RBPJ: variants seen among roughly 807,000 people sequenced by gnomAD.
RBPJ encodes the protein recombination signal binding protein for immunoglobulin kappa J region.
A neutral mutation model predicts 67.8 loss-of-function variants in RBPJ; 9 were observed. The observed-to-expected ratio is 0.13, with a 90% CI of 0.08 to 0.23. RBPJ has a LOEUF of 0.23. RBPJ is among the 10% of genes least tolerant of loss of function. RBPJ has a pLI of 1.00. For synonymous variants in RBPJ, 198 were observed against 203.3 expected (o/e 0.97, Z 0.22); for missense variants, 305 against 595.6 (o/e 0.51, Z 5.08).
chr4:26,226,870 AC>A (rs1719093272), intron 1 of RBPJ, among the ~76,000 whole-genome samples: 1 of 152,238 alleles, frequency 6.6e-6, no homozygotes, highest in Admixed American at 6.5e-5. Context: ...ACTAGGCTGA[AC>A]ATCACTGAAA....
chr4:26,356,351 T>C (rs895187473), intron 1 of RBPJ, among the ~76,000 whole-genome samples: 1 of 152,168 alleles, frequency 6.6e-6, no homozygotes, highest in African/African-American at 2.4e-5. Flanking sequence ...AGTAGCTAAG[T>C]AGAGTCAGAG....
intron 1 of RBPJ, among the ~76,000 whole-genome samples, chr4:26,165,605 G>C (rs9291482): frequency 6.6e-6 from 1 of 151,782 alleles, no homozygotes; most frequent in Admixed American, 6.6e-5. Context: ...ATTGGACATC[G>C]TTCAAGTTCT....
At chr4:26,136,204 G>A in the RBPJ span, among the ~76,000 whole-genome samples, 25 of 152,252 alleles carry the variant, frequency 1.6e-4, no homozygotes, top group Admixed American at 1.4e-3. Context: ...ACAATTCAAG[G>A]TGAGATTTGG....
At chr4:26,417,261 G>T (rs559481532) in intron 4 of RBPJ, among the ~76,000 whole-genome samples, 2 of 152,272 alleles carry the variant, frequency 1.3e-5, no homozygotes, top group East Asian at 1.9e-4. Flanking sequence ...TTTAAATGAG[G>T]TGATACCAAA....
intron 1 of RBPJ, among the ~76,000 whole-genome samples, chr4:26,328,445 G>A (rs1251790614): frequency 1.3e-4 from 20 of 152,166 alleles, no homozygotes; most frequent in Non-Finnish European, 1.0e-4. Context: ...GTGTAAGGGA[G>A]ATTATGGTAA....
intron 1 of RBPJ, among the ~76,000 whole-genome samples, chr4:26,350,525 T>C (rs1308326778): frequency 6.6e-6 from 1 of 152,204 alleles, no homozygotes; most frequent in Non-Finnish European, 1.5e-5. Flanking sequence ...AGTGAAGTTT[T>C]CCAAAGTACT....
At chr4:26,241,309 T>G (rs1436030531) in intron 1 of RBPJ, among the ~76,000 whole-genome samples, 1 of 152,098 alleles carries the variant, frequency 6.6e-6, no homozygotes, top group Non-Finnish European at 1.5e-5. Context: ...GGTGAAATCT[T>G]TGTGTGAAAA....
chr4:26,354,382 C>A (rs112734116), intron 1 of RBPJ, among the ~76,000 whole-genome samples: 1 of 150,986 alleles, frequency 6.6e-6, no homozygotes, highest in Admixed American at 6.6e-5. Flanking sequence ...AAATATAGAT[C>A]ACAAGGAAAA....
At chr4:26,148,563 T>C in the RBPJ span, among the ~76,000 whole-genome samples, 4 of 152,030 alleles carry the variant, frequency 2.6e-5, no homozygotes, top group Non-Finnish European at 4.4e-5. Flanking sequence ...TCTTATAGAA[T>C]TGGGCATCAG....
intron 1 of RBPJ, among the ~76,000 whole-genome samples, chr4:26,314,217 A>C (rs531201927): frequency 1.3e-5 from 2 of 152,350 alleles, no homozygotes; most frequent in African/African-American, 4.8e-5. Context: ...TCTGCTTATT[A>C]ATAAATATAC....
intron 5 of RBPJ, among the ~76,000 whole-genome samples, chr4:26,422,475 A>G (rs1056009281): frequency 5.9e-5 from 9 of 152,224 alleles, no homozygotes; most frequent in African/African-American, 2.2e-4. Context: ...TGTAATGAAA[A>G]GGCAGGATTA....
At chr4:26,244,613 A>T (rs1449500416) in intron 1 of RBPJ, among the ~76,000 whole-genome samples, 1 of 152,024 alleles carries the variant, frequency 6.6e-6, no homozygotes, top group Non-Finnish European at 1.5e-5. Flanking sequence ...CAATATTTTT[A>T]GTGTTATCGA....
intron 1 of RBPJ, among the ~76,000 whole-genome samples, chr4:26,337,634 T>G (rs1338082628): frequency 6.6e-6 from 1 of 152,010 alleles, no homozygotes. Context: ...ATGAGGTTAT[T>G]GGCCATTTGT....
Position 26,312,186 on chromosome 4 carries a change from C to T in RBPJ, c.-166-50260C>T, listed in dbSNP as rs867270115. The stretch of plus-strand genomic sequence containing the variant: ...TCGCTCTGTCACCCAGGCTGGAGTG[C>T]AGTGGCACGATCTCAGCTCACTGCA... On this transcript the variant is annotated intron_variant, in intron 1 of 4. Transcript: ENST00000512351. Among the ~76,000 whole-genome samples the T allele has an allele frequency of 8.0e-4, 122 of 151,788 alleles. 1 individual carries two copies. Among genetic ancestry groups the T allele is most frequent in the Non-Finnish European group, 7.9e-4 (54 of 67,944 alleles).
intron 1 of RBPJ, among the ~76,000 whole-genome samples, chr4:26,305,388 A>G (rs1722200768): frequency 6.6e-6 from 1 of 152,214 alleles, no homozygotes; most frequent in Non-Finnish European, 1.5e-5. Context: ...TAGTGATTGC[A>G]TTGAATCTGT....
At chr4:26,158,712 G>A (rs1327208942), upstream of RBPJ, among the ~76,000 whole-genome samples, 1 of 152,154 alleles carries the variant, frequency 6.6e-6, no homozygotes, top group Admixed American at 6.5e-5. Context: ...TCTGTCAATG[G>A]TGTAGACTTT....
At chr4:26,214,815 GAGAGAA>G (rs1718599251) in intron 1 of RBPJ, among the ~76,000 whole-genome samples, 2 of 117,766 alleles carry the variant, frequency 1.7e-5, no homozygotes, top group African/African-American at 6.5e-5. Flanking sequence ...AAAAGAGAGA[GAGAGAA>G]AAGAGAAAGA....
intron 1 of RBPJ, among the ~76,000 whole-genome samples, chr4:26,169,232 T>G (rs866626632): frequency 7.2e-5 from 11 of 152,268 alleles, no homozygotes; most frequent in South Asian, 6.2e-4. Context: ...ATGATGGTGA[T>G]GTACAGATGG....
chr4:26,146,983 G>A, the RBPJ span, among the ~76,000 whole-genome samples: 22 of 152,320 alleles, frequency 1.4e-4, no homozygotes, highest in Non-Finnish European at 2.8e-4. Context: ...AAGGAACAAC[G>A]GCTCCGTCAA....
Sources: allele counts gnomAD v4.1 joint callset (sites outside exome capture counted in the v4.1 genomes callset), GRCh38; gene constraint gnomAD v4.1.1; transcripts MANE v1.5; gene names NCBI Gene and HGNC (gene_info 2026-07-23, HGNC 2026-07-21).